The following GRXCR2 variants were observed in gnomAD, a reference collection of about 807,000 sequenced individuals.
The protein encoded by GRXCR2 is glutaredoxin domain-containing cysteine-rich protein 2.
In GRXCR2, 23 loss-of-function variants were observed where a neutral mutation model predicts 24.8. The observed-to-expected ratio is 0.93, with a 90% CI of 0.67 to 1.32. The LOEUF is 1.32. GRXCR2 is among the 40% of genes most tolerant of loss of function. The pLI is 0.00. For missense variants in GRXCR2, 315 were observed against 303.4 expected, an observed-to-expected ratio of 1.04 and a Z score of -0.28; for synonymous variants, 130 against 116.1, an observed-to-expected ratio of 1.12 and a Z score of -0.77.
Position 145,859,191 on chromosome 5 carries a change from C to T in GRXCR2, c.*542G>A, listed in dbSNP as rs367583. Reference sequence around the variant, plus strand: ...TTGAAAGGGAAGGCTCCTTGGCTTGCCTGTCTCCACAGTGAACATCCCATT... The same window carrying T: ...TTGAAAGGGAAGGCTCCTTGGCTTGTCTGTCTCCACAGTGAACATCCCATT... On this transcript the variant is annotated 3_prime_UTR_variant, in exon 3 of 3. Coordinates refer to ENST00000377976, the MANE Select transcript of GRXCR2 (RefSeq NM_001080516.2). 8,416 of 154,698 alleles carry T rather than the reference C, an allele frequency of 0.054. 521 individuals are homozygous for T. Among genetic ancestry groups the T allele is most frequent in the East Asian group, 0.14 (713 of 5,198 alleles). 9.6% of individuals were successfully genotyped at this position (154,698 alleles called of 1,614,324 possible).
intron 2 of GRXCR2, among the ~76,000 whole-genome samples, chr5:145,885,983 A>G (rs1273445498): frequency 6.6e-6 from 1 of 152,256 alleles, no homozygotes; most frequent in Non-Finnish European, 1.5e-5. Flanking sequence ...ATGAAATGTC[A>G]GTCATCTGAG....
At position 145,894,224 on chromosome 5, in the gene GRXCR2, C is replaced by T. The variant is rs546718211; in HGVS notation, c.-69-27496G>A. 3.5e-3 allele frequency among the ~76,000 whole-genome samples: 539 copies of T among 152,174 alleles called. 5 individuals carry two copies. Among genetic ancestry groups the T allele is most frequent in the African/African-American group, 0.012 (480 of 41,514 alleles). On this transcript the variant is annotated intron_variant, in intron 2 of 3. Transcript: ENST00000639411. The stretch of plus-strand genomic sequence containing the variant: ...CACCCTAACATCACAATTAAAAGAA[C>T]TAGAGAAGCAAGAGCAAACACATTC...
chr5:145,906,871 G>A (rs796835764), intron 2 of GRXCR2, among the ~76,000 whole-genome samples: 22 of 152,326 alleles, frequency 1.4e-4, no homozygotes, highest in Admixed American at 4.6e-4. Context: ...ATAGTGATCC[G>A]AAATGAAACA....
intron 2 of GRXCR2, among the ~76,000 whole-genome samples, chr5:145,913,164 T>C (rs1044503500): frequency 6.6e-6 from 1 of 152,200 alleles, no homozygotes; most frequent in African/African-American, 2.4e-5. Context: ...AACTGCAACA[T>C]TAATGTGGGT....
At chr5:145,907,332 C>A (rs1161755635) in intron 2 of GRXCR2, among the ~76,000 whole-genome samples, 3 of 151,996 alleles carry the variant, frequency 2.0e-5, no homozygotes, top group Non-Finnish European at 4.4e-5. Context: ...AGTTTGAGAC[C>A]AGCCTGGCCA....
intron 2 of GRXCR2, among the ~76,000 whole-genome samples, chr5:145,887,609 A>T (rs981434860): frequency 6.6e-6 from 1 of 152,182 alleles, no homozygotes; most frequent in Admixed American, 6.5e-5. Flanking sequence ...AGAAGATGAA[A>T]CACCTGTTTA....
chr5:145,907,619 G>T lies in GRXCR2; in HGVS notation c.-70+28082C>A, dbSNP rs141709555. On this transcript the variant is annotated intron_variant, in intron 2 of 3. Transcript: ENST00000639411. ...GGAGACCACAGAAACCAAGAGAGAGGGTGGTGACTCGGCCTGTGGTGGGAG... is the reference window on the plus strand; with the variant it reads ...GGAGACCACAGAAACCAAGAGAGAGTGTGGTGACTCGGCCTGTGGTGGGAG... Among the ~76,000 whole-genome samples the T allele has an allele frequency of 3.9e-5, 6 of 152,252 alleles. No individual in the cohort carries two copies. The East Asian group carries it at 1.2e-3, about 29-fold the overall frequency.
At position 145,912,489 on chromosome 5, in the gene GRXCR2, G is replaced by A. The variant is rs116224616; in HGVS notation, c.-70+23212C>T. On this transcript the variant is annotated intron_variant, in intron 2 of 3. Coordinates refer to the GRXCR2 transcript ENST00000639411. ...AATGAGCAACAAAACCCCTGCCCTC[G>A]TGGAGCTGACATCCCAGGGGCAGGG... is the stretch of plus-strand genomic sequence containing the variant. 8.3e-4 allele frequency among the ~76,000 whole-genome samples: 126 copies of A among 152,264 alleles called. 1 individual carries two copies. The highest frequency in any genetic ancestry group is 1.8e-3 in the Admixed American group (27 of 15,292).
chr5:145,892,739 C>G (rs1015308448), intron 2 of GRXCR2, among the ~76,000 whole-genome samples: 1 of 152,198 alleles, frequency 6.6e-6, no homozygotes, highest in Non-Finnish European at 1.5e-5. Flanking sequence ...CTTCCCCAAT[C>G]TAGCAAGGCA....
chr5:145,911,477 G>A (rs760918007), intron 2 of GRXCR2, among the ~76,000 whole-genome samples: 7 of 152,174 alleles, frequency 4.6e-5, no homozygotes, highest in African/African-American at 9.7e-5. Flanking sequence ...CATCAAAGCC[G>A]AGAACACTAC....
At chr5:145,900,668 G>A (rs940734882) in intron 2 of GRXCR2, among the ~76,000 whole-genome samples, 15 of 152,192 alleles carry the variant, frequency 9.9e-5, no homozygotes, top group African/African-American at 1.4e-4. Flanking sequence ...CAGAGAAAAG[G>A]GAATGCTTAT....
intron 1 of GRXCR2, among the ~76,000 whole-genome samples, chr5:145,869,959 C>G (rs1200264412): frequency 3.3e-5 from 5 of 152,216 alleles, no homozygotes; most frequent in Non-Finnish European, 7.3e-5. Flanking sequence ...ACAGGGTTAA[C>G]TAGCTTGTTC....
intron 2 of GRXCR2, among the ~76,000 whole-genome samples, chr5:145,894,016 T>C (rs1343096734): frequency 6.6e-6 from 1 of 152,090 alleles, no homozygotes; most frequent in Non-Finnish European, 1.5e-5. Flanking sequence ...AACTGAACAA[T>C]CTGCTCCTGA....
chr5:145,873,122 C>T (rs1756562072), upstream of GRXCR2: 1 of 623,024 alleles, frequency 1.6e-6, no homozygotes, highest in African/African-American at 1.8e-5. Flanking sequence ...GACACCCATA[C>T]ATTAAATATT....
chr5:145,921,255 TG>T (rs963530350), intron 2 of GRXCR2, among the ~76,000 whole-genome samples: 16 of 152,312 alleles, frequency 1.1e-4, no homozygotes, highest in African/African-American at 3.1e-4. Flanking sequence ...ACAGCCTCTC[TG>T]GGGCACACTT....
At chr5:145,877,706 C>T (rs1298762778), upstream of GRXCR2, among the ~76,000 whole-genome samples, 1 of 152,222 alleles carries the variant, frequency 6.6e-6, no homozygotes, top group African/African-American at 2.4e-5. Context: ...CTCATTGAGA[C>T]TGGTTGGACA....
At chr5:145,924,673 C>T (rs2149929662) in intron 2 of GRXCR2, among the ~76,000 whole-genome samples, 1 of 152,308 alleles carries the variant, frequency 6.6e-6, no homozygotes, top group East Asian at 1.9e-4. Flanking sequence ...TCCTCAAGCA[C>T]TGGCTGGGAT....
chr5:145,888,103 GT>G (rs1756801802), intron 2 of GRXCR2, among the ~76,000 whole-genome samples: 1 of 152,138 alleles, frequency 6.6e-6, no homozygotes, highest in South Asian at 2.1e-4. Context: ...CATGCATTAT[GT>G]CTGATGGATT....
At chr5:145,898,904 T>C (rs1408100056) in intron 2 of GRXCR2, among the ~76,000 whole-genome samples, 1 of 152,110 alleles carries the variant, frequency 6.6e-6, no homozygotes, top group Non-Finnish European at 1.5e-5. Context: ...CTGGAAGTCC[T>C]AGCCAGAGAA....
Sources: allele counts gnomAD v4.1 joint callset (sites outside exome capture counted in the v4.1 genomes callset), GRCh38; gene constraint gnomAD v4.1.1; transcripts MANE v1.5; gene names NCBI Gene and HGNC (gene_info 2026-07-23, HGNC 2026-07-21).